The following STAU1 variants were observed in gnomAD, a reference collection of about 807,000 sequenced individuals.
STAU1 encodes the protein double-stranded RNA-binding protein Staufen homolog 1.
Under a neutral mutation model 62.9 loss-of-function variants are expected in STAU1, and 13 were observed. That is an observed-to-expected ratio of 0.21 (90% confidence interval 0.13 to 0.33). The LOEUF (loss-of-function observed/expected upper bound fraction) is 0.33, where lower values mean the gene tolerates loss of function less well. Among genes scored for constraint, STAU1 ranks in the 10% least tolerant of loss-of-function variants. The probability of loss-of-function intolerance (pLI) is 1.00; values close to 1 mark genes in which losing one functional copy is unlikely to be tolerated. For missense variants in STAU1, 571 were observed against 712.1 expected (o/e 0.80, Z 2.25); for synonymous variants, 269 against 265.1 (o/e 1.01, Z -0.14).
intron 5 of STAU1, among the ~76,000 whole-genome samples, chr20:49,136,673 G>T (rs2092891443): frequency 6.6e-6 from 1 of 152,040 alleles, no homozygotes; most frequent in Non-Finnish European, 1.5e-5. Context: ...GAGTATGCAG[G>T]CTTATTTGAA....
At chr20:49,189,682 G>C (rs1170720787), upstream of STAU1, among the ~76,000 whole-genome samples, 1 of 150,008 alleles carries the variant, frequency 6.7e-6, no homozygotes, top group East Asian at 2.0e-4. Context: ...AATTATGCTC[G>C]CGTTGTGAGA....
chr20:49,199,220 C>T, the STAU1 span, among the ~76,000 whole-genome samples: 3 of 151,922 alleles, frequency 2.0e-5, no homozygotes, highest in African/African-American at 7.2e-5. Flanking sequence ...CAGGTGCATA[C>T]CATCACGCCT....
In STAU1 at chr20:49,133,117, C is replaced by A. The variant is rs542358669; in HGVS notation, c.609+2716G>T. ...ACCACGAGAGGGCACTCCTACAATTCTTTTATGTGACTACTGTCAAGATTC... is the reference window on the plus strand; with the variant it reads ...ACCACGAGAGGGCACTCCTACAATTATTTTATGTGACTACTGTCAAGATTC... On this transcript the variant is annotated intron_variant, in intron 6 of 13. Coordinates refer to ENST00000371856, the MANE Select transcript of STAU1 (RefSeq NM_017453.4). Among the ~76,000 whole-genome samples the A allele has an allele frequency of 1.5e-4, 23 of 152,320 alleles. No individual in the cohort carries two copies. In the East Asian group the frequency reaches 4.1e-3, roughly 27 times the overall value.
At chr20:49,197,406 CT>C in the STAU1 span, among the ~76,000 whole-genome samples, 70,493 of 139,164 alleles carry the variant, frequency 0.51, 17,616 homozygotes, top group African/African-American at 0.64. Flanking sequence ...TTTTTCTTTT[CT>C]TTTTTTTTTT....
Position 49,128,773 on chromosome 20 carries a change from C to A in STAU1, c.610-4186G>T, listed in dbSNP as rs1371719612. Among the ~76,000 whole-genome samples, 405 of 102,262 alleles carry A rather than the reference C, an allele frequency of 4.0e-3. 6 individuals carry two copies. Among genetic ancestry groups the A allele is most frequent in the African/African-American group, 7.5e-3 (197 of 26,380 alleles). The allele number at this position is 102,262 out of a possible 152,430, so 67.1% of individuals were successfully genotyped here. A position where few individuals can be genotyped will look rare whatever the true frequency, so the allele number is the denominator to read the frequency against. On this transcript the variant is annotated intron_variant, in intron 6 of 13. Coordinates refer to ENST00000371856, the MANE Select transcript of STAU1 (RefSeq NM_017453.4). ...GCAGGCACAATTAGACATCCAAATCCAAAAAAAAAAAAAAAAAAAAGACAA... is the reference window on the plus strand; with the variant it reads ...GCAGGCACAATTAGACATCCAAATCAAAAAAAAAAAAAAAAAAAAAGACAA...
At chr20:49,174,049 T>C (rs1057423123) in intron 2 of STAU1, 146 bp downstream of exon 2, 2 of 152,198 alleles carry the variant, frequency 1.3e-5, no homozygotes, top group African/African-American at 4.8e-5. Flanking sequence ...AAATCAAGAG[T>C]AAAGATGAAA....
At chr20:49,138,444 T>A (rs918603239) in intron 5 of STAU1, among the ~76,000 whole-genome samples, 1 of 152,208 alleles carries the variant, frequency 6.6e-6, no homozygotes. Flanking sequence ...TTTCAGTGTA[T>A]CTCACCTGAG....
chr20:49,175,812 T>TTTTA (rs1205029562), intron 1 of STAU1, among the ~76,000 whole-genome samples: 1 of 147,746 alleles, frequency 6.8e-6, no homozygotes, highest in Non-Finnish European at 1.5e-5. Flanking sequence ...TTTTTTTTTT[T>TTTTA]TTGAGACGGA....
intron 13 of STAU1, among the ~76,000 whole-genome samples, 200 bp from the exon 14 acceptor site, chr20:49,115,093 A>G (rs575436991): frequency 6.6e-6 from 1 of 152,248 alleles, no homozygotes; most frequent in East Asian, 1.9e-4. Flanking sequence ...GTGGGGGGAA[A>G]GGAAGAAAAT....
chr20:49,131,194 C>G (rs1329934826), intron 6 of STAU1, among the ~76,000 whole-genome samples: 1 of 152,126 alleles, frequency 6.6e-6, no homozygotes, highest in African/African-American at 2.4e-5. Context: ...TCATGAAACA[C>G]AGAGAAAGGC....
chr20:49,219,199 C>CA, the STAU1 span: 2 of 690,674 alleles, frequency 2.9e-6, no homozygotes, highest in Non-Finnish European at 4.9e-6. Context: ...CAAATACTGC[C>CA]ACCGTTTTGA....
chr20:49,180,324 T>TG (rs1480938051), intron 1 of STAU1, among the ~76,000 whole-genome samples: 75 of 79,624 alleles, frequency 9.4e-4, no homozygotes, highest in African/African-American at 4.6e-3. Flanking sequence ...CAGTTCTTTT[T>TG]TTTTTTTTCC....
At chr20:49,124,664 T>C in intron 6 of STAU1, 77 bp from the exon 7 acceptor site, 1 of 1,465,704 alleles carries the variant, frequency 6.8e-7, no homozygotes, top group South Asian at 1.1e-5. Flanking sequence ...CTGGCACACT[T>C]CACACAGACA....
the STAU1 span, among the ~76,000 whole-genome samples, chr20:49,207,781 A>G: frequency 2.6e-5 from 4 of 152,158 alleles, no homozygotes; most frequent in East Asian, 7.7e-4. Context: ...CGGCCTCCCA[A>G]AGTGCTGGGA....
At chr20:49,142,258 T>C (rs2093026032) in intron 5 of STAU1, among the ~76,000 whole-genome samples, 1 of 151,894 alleles carries the variant, frequency 6.6e-6, no homozygotes, top group African/African-American at 2.4e-5. Flanking sequence ...GGCTAATTTT[T>C]TGTATTTTTA....
At chr20:49,163,796 A>T (rs1568910401) in intron 3 of STAU1, among the ~76,000 whole-genome samples, 1 of 151,900 alleles carries the variant, frequency 6.6e-6, no homozygotes, top group Non-Finnish European at 1.5e-5. Context: ...AGTCAGTCTC[A>T]GTCTGTTGCC....
upstream of STAU1, among the ~76,000 whole-genome samples, chr20:49,189,669 G>A (rs1474599837): frequency 1.3e-5 from 2 of 149,256 alleles, no homozygotes; most frequent in African/African-American, 2.5e-5. Flanking sequence ...CACACTCAGC[G>A]AAAATTATGC....
chr20:49,150,662 C>T (rs1166904939), intron 5 of STAU1, among the ~76,000 whole-genome samples: 2 of 152,026 alleles, frequency 1.3e-5, no homozygotes, highest in African/African-American at 4.8e-5. Context: ...CGCCCAGCCA[C>T]CTCAATTTTT....
At chr20:49,196,579 G>C in the STAU1 span, among the ~76,000 whole-genome samples, 2 of 151,888 alleles carry the variant, frequency 1.3e-5, no homozygotes, top group African/African-American at 2.4e-5. Context: ...CTGAGCTCAG[G>C]AGTTTGAGAC....
Sources: allele counts gnomAD v4.1 joint callset (sites outside exome capture counted in the v4.1 genomes callset), GRCh38; gene constraint gnomAD v4.1.1; transcripts MANE v1.5; gene names NCBI Gene and HGNC (gene_info 2026-07-23, HGNC 2026-07-21).